SNTG1: variants seen among roughly 807,000 people sequenced by gnomAD.
SNTG1 encodes the protein syntrophin gamma 1.
In SNTG1, 39 loss-of-function variants were observed where a neutral mutation model predicts 74.7. That is an observed-to-expected ratio of 0.52 (90% CI 0.40 to 0.68). The LOEUF is 0.68. Among genes scored for constraint, SNTG1 ranks in the 30% least tolerant of loss-of-function variants. The pLI is 0.00. For missense variants in SNTG1, 685 were observed against 609.5 expected (o/e 1.12, Z -1.30); for synonymous variants, 254 against 217.1 (o/e 1.17, Z -1.49).
intron 15 of SNTG1, among the ~76,000 whole-genome samples, chr8:50,664,662 A>G (rs1287090826): frequency 6.6e-6 from 1 of 152,180 alleles, no homozygotes; most frequent in East Asian, 1.9e-4. Context: ...CCTTTAGCCC[A>G]GGGACAGCTA....
At chr8:50,374,385 G>C (rs115021188) in intron 2 of SNTG1, among the ~76,000 whole-genome samples, 114 of 152,296 alleles carry the variant, frequency 7.5e-4, no homozygotes, top group African/African-American at 2.6e-3. Context: ...AGGCACTTTC[G>C]AATTTAGTCA....
chr8:50,537,712 G>A (rs1056732817), intron 11 of SNTG1, among the ~76,000 whole-genome samples: 2 of 152,134 alleles, frequency 1.3e-5, no homozygotes, highest in East Asian at 3.9e-4. Context: ...ACCTCCAGGG[G>A]TTGGGAAACT....
chr8:50,273,632 A>T lies in SNTG1; in HGVS notation c.-28+100997A>T, dbSNP rs547937986. Among the ~76,000 whole-genome samples, 46 of 152,358 alleles carry T rather than the reference A, an allele frequency of 3.0e-4. 1 individual carries two copies. Among genetic ancestry groups the T allele is most frequent in the Middle Eastern group, 3.4e-3 (1 of 294 alleles). On this transcript the variant is annotated intron_variant, in intron 2 of 18. Coordinates refer to ENST00000642720, the MANE Select transcript of SNTG1 (RefSeq NM_018967.5). The stretch of plus-strand genomic sequence containing the variant: ...AGGAGCAGATGCATGATGCAGTTTC[A>T]AACAGAATGATCAGTGTAGGCCTCC...
chr8:50,754,179 G>A (rs993969942), intron 18 of SNTG1, among the ~76,000 whole-genome samples: 4 of 151,550 alleles, frequency 2.6e-5, no homozygotes, highest in Non-Finnish European at 4.4e-5. Context: ...GTGGACATAA[G>A]CTTTTATTTA....
At chr8:50,195,632 C>T (rs1026140192) in intron 2 of SNTG1, among the ~76,000 whole-genome samples, 1 of 152,178 alleles carries the variant, frequency 6.6e-6, no homozygotes, top group South Asian at 2.1e-4. Context: ...TCTTCCTCTA[C>T]CCCTGTATTT....
chr8:50,602,453 T>C (rs972255073), intron 13 of SNTG1, among the ~76,000 whole-genome samples: 8 of 152,226 alleles, frequency 5.3e-5, no homozygotes, highest in Non-Finnish European at 8.8e-5. Flanking sequence ...TTATGTCTTA[T>C]AGTACTGTTT....
intron 11 of SNTG1, among the ~76,000 whole-genome samples, chr8:50,547,211 A>G (rs1039547543): frequency 2.0e-5 from 3 of 152,150 alleles, no homozygotes; most frequent in Admixed American, 2.0e-4. Flanking sequence ...ACAGAGGTTG[A>G]ATTGATTGCA....
intron 4 of SNTG1, among the ~76,000 whole-genome samples, chr8:50,433,463 G>T: frequency 7.0e-6 from 1 of 142,252 alleles, no homozygotes; most frequent in East Asian, 2.1e-4. Context: ...TTACTACATT[G>T]CACCATGAGT....
At chr8:50,012,088 A>T (rs914087604) in intron 1 of SNTG1, among the ~76,000 whole-genome samples, 2 of 152,100 alleles carry the variant, frequency 1.3e-5, no homozygotes, top group Non-Finnish European at 2.9e-5. Context: ...AGTTTGGTGA[A>T]GTTGGCAAGA....
chr8:50,286,110 ACCATT>A (rs2088766322), intron 2 of SNTG1, among the ~76,000 whole-genome samples: 1 of 146,710 alleles, frequency 6.8e-6, no homozygotes, highest in Non-Finnish European at 1.6e-5. Flanking sequence ...TTCCTATATG[ACCATT>A]CTGTTCTGTT....
intron 17 of SNTG1, among the ~76,000 whole-genome samples, chr8:50,727,413 C>T (rs2095502776): frequency 6.6e-6 from 1 of 152,132 alleles, no homozygotes; most frequent in South Asian, 2.1e-4. Flanking sequence ...GATGATATTT[C>T]TAGATGCTGG....
At chr8:50,414,319 G>C (rs1292865862) in intron 4 of SNTG1, among the ~76,000 whole-genome samples, 1 of 152,034 alleles carries the variant, frequency 6.6e-6, no homozygotes, top group Non-Finnish European at 1.5e-5. Flanking sequence ...CCCACCTGTG[G>C]GCCAATTCAC....
intron 1 of SNTG1, among the ~76,000 whole-genome samples, chr8:50,167,634 GAA>G (rs759426683): frequency 7.5e-6 from 1 of 132,928 alleles, no homozygotes. Flanking sequence ...TCATCGCTAC[GAA>G]AAAAAAAAAA....
intron 8 of SNTG1, among the ~76,000 whole-genome samples, chr8:50,478,665 T>C (rs2093715672): frequency 6.6e-6 from 1 of 152,152 alleles, no homozygotes; most frequent in African/African-American, 2.4e-5. Context: ...GCTGAAACTA[T>C]CTTTGTTTTT....
Position 50,327,340 on chromosome 8 carries a change from C to T in SNTG1, c.-27-66872C>T, listed in dbSNP as rs184012912. 3.7e-3 allele frequency among the ~76,000 whole-genome samples: 565 copies of T among 152,218 alleles called. 2 individuals are homozygous for T. Among genetic ancestry groups the T allele is most frequent in the Non-Finnish European group, 6.1e-3 (414 of 67,974 alleles). Reference sequence around the variant, plus strand: ...CCATTTTGCCTTACATATTTTGATACTTTGCTGTTAGACACATACACACTA... The same window carrying T: ...CCATTTTGCCTTACATATTTTGATATTTTGCTGTTAGACACATACACACTA... On this transcript the variant is annotated intron_variant, in intron 2 of 18. Transcript: ENST00000642720.
At chr8:50,000,449 T>C (rs1814639015) in intron 1 of SNTG1, among the ~76,000 whole-genome samples, 1 of 152,198 alleles carries the variant, frequency 6.6e-6, no homozygotes. Flanking sequence ...TATTTTTTTA[T>C]GTTGTGCTTT....
intron 2 of SNTG1, among the ~76,000 whole-genome samples, chr8:50,369,882 T>C: frequency 6.6e-6 from 1 of 152,142 alleles, no homozygotes; most frequent in East Asian, 1.9e-4. Context: ...ATTTTCTGAG[T>C]TGGTTCTGAA....
At chr8:50,607,536 T>A (rs2094821551) in intron 13 of SNTG1, among the ~76,000 whole-genome samples, 1 of 151,692 alleles carries the variant, frequency 6.6e-6, no homozygotes, top group Admixed American at 6.6e-5. Flanking sequence ...ACTTTAACGT[T>A]TCTTCTTGCT....
intron 9 of SNTG1, among the ~76,000 whole-genome samples, chr8:50,519,622 C>T (rs954527743): frequency 1.3e-5 from 2 of 152,136 alleles, no homozygotes; most frequent in Non-Finnish European, 2.9e-5. Context: ...GATACAAAAT[C>T]AATGGGCAAA....
Sources: gnomAD v4.1 joint callset for allele counts (sites outside exome capture counted in the v4.1 genomes callset) on GRCh38, gnomAD v4.1.1 for gene constraint, MANE v1.5 for transcripts, NCBI Gene and HGNC (gene_info 2026-07-23, HGNC 2026-07-21) for gene names.